The following MICAL2 variants were observed in gnomAD, a reference collection of about 807,000 sequenced individuals.
MICAL2 encodes the protein microtubule associated monooxygenase, calponin and LIM domain containing 2, also known as [F-actin]-monooxygenase MICAL2.
In MICAL2, 77 loss-of-function variants were observed where a neutral mutation model predicts 127.3. That is an observed-to-expected ratio of 0.60 (90% CI 0.50 to 0.73). The LOEUF is 0.73. Among genes scored for constraint, MICAL2 ranks in the 30% least tolerant of loss-of-function variants. The pLI is 0.00. For missense variants in MICAL2, 1,351 were observed against 1,434.4 expected (o/e 0.94, Z 0.94); for synonymous variants, 570 against 551.1 (o/e 1.03, Z -0.48).
intron 3 of MICAL2, among the ~76,000 whole-genome samples, chr11:12,198,091 C>G (rs1172370984): frequency 6.6e-6 from 1 of 151,930 alleles, no homozygotes; most frequent in Non-Finnish European, 1.5e-5. Context: ...GGAGCCCCTA[C>G]TGGCCAACCC....
chr11:12,289,566 G>GTTTTTTTTTT (rs1316795523), downstream of MICAL2, among the ~76,000 whole-genome samples: 2 of 36,464 alleles, frequency 5.5e-5, no homozygotes, highest in African/African-American at 2.1e-4. Context: ...GTTTTTTTTT[G>GTTTTTTTTTT]TTTTTTTTTT....
intron 9 of MICAL2, 25 bp from the exon 10 acceptor site, chr11:12,221,619 G>T (rs755797978): frequency 3.9e-6 from 6 of 1,549,426 alleles, no homozygotes; most frequent in Non-Finnish European, 5.3e-6. Context: ...GAATCAACTG[G>T]AATTTTGCAC....
In MICAL2 at chr11:12,140,107, A is replaced by T. The variant is rs904169915; in HGVS notation, c.-78+1647A>T. Among the ~76,000 whole-genome samples, 3 of 152,246 alleles carry T rather than the reference A, an allele frequency of 2.0e-5. No individual in the cohort carries two copies. The East Asian group carries it at 5.8e-4, about 29-fold the overall frequency. On this transcript the variant is annotated intron_variant, in intron 2 of 27. Transcript: ENST00000683283. ...ATAAAATTTCCCCAAATTACAGAGAATGTGATGCTTGCCAAATAGGTACCT... is the reference window on the plus strand; with the variant it reads ...ATAAAATTTCCCCAAATTACAGAGATTGTGATGCTTGCCAAATAGGTACCT...
In MICAL2 at chr11:12,188,521, A is replaced by G. The variant is rs144533930; in HGVS notation, c.265-15729A>G. On this transcript the variant is annotated intron_variant, in intron 3 of 27. Transcript: ENST00000683283. ...TGAACATCCTACAATGCACAGGATA[A>G]CACCCTACAACCAAAATTATCTGGT... 5.9e-3 allele frequency among the ~76,000 whole-genome samples: 906 copies of G among 152,278 alleles called. 11 individuals carry two copies. Among genetic ancestry groups the G allele is most frequent in the African/African-American group, 0.021 (884 of 41,550 alleles).
At chr11:12,134,970 T>C (rs966115419) in intron 1 of MICAL2, among the ~76,000 whole-genome samples, 1 of 152,218 alleles carries the variant, frequency 6.6e-6, no homozygotes, top group South Asian at 2.1e-4. Flanking sequence ...TTCAGTGCAC[T>C]ATGGCTGCAG....
downstream of MICAL2, among the ~76,000 whole-genome samples, chr11:12,361,330 C>T (rs1415684572): frequency 6.6e-6 from 1 of 152,190 alleles, no homozygotes; most frequent in Admixed American, 6.5e-5. Flanking sequence ...TTCTGCAGCC[C>T]TGTGCCAGAT....
At chr11:12,160,178 G>T (rs143106910) in intron 2 of MICAL2, among the ~76,000 whole-genome samples, 1 of 152,076 alleles carries the variant, frequency 6.6e-6, no homozygotes, top group African/African-American at 2.4e-5. Flanking sequence ...CCCAAGTCTG[G>T]GCATCCAGTG....
At chr11:12,328,546 G>A (rs1003680743) in intron 32 of MICAL2, among the ~76,000 whole-genome samples, 1 of 152,158 alleles carries the variant, frequency 6.6e-6, no homozygotes, top group Non-Finnish European at 1.5e-5. Flanking sequence ...GGGTTTTCAG[G>A]TAAGGAGTGG....
chr11:12,261,445 G>T (rs528136446), intron 26 of MICAL2: 3 of 985,498 alleles, frequency 3.0e-6, no homozygotes, highest in South Asian at 4.7e-5. Context: ...ATCTAGAAGA[G>T]TCCTCAGCTC....
At chr11:12,361,141 C>A (rs1369046711), downstream of MICAL2, among the ~76,000 whole-genome samples, 1 of 152,164 alleles carries the variant, frequency 6.6e-6, no homozygotes, top group African/African-American at 2.4e-5. Context: ...GAAAGCCCAG[C>A]CTCAGGTCAT....
At chr11:12,210,314 A>G (rs1855284068) in intron 6 of MICAL2, among the ~76,000 whole-genome samples, 1 of 152,180 alleles carries the variant, frequency 6.6e-6, no homozygotes, top group Non-Finnish European at 1.5e-5. Context: ...GATATTAACC[A>G]TGCTAAATTG....
intron 3 of MICAL2, among the ~76,000 whole-genome samples, chr11:12,188,050 C>T (rs1180594134): frequency 2.0e-5 from 3 of 152,094 alleles, no homozygotes; most frequent in African/African-American, 7.2e-5. Flanking sequence ...CCTTTTTTCT[C>T]CAGCTTTTTG....
chr11:12,159,800 C>T (rs998528121), intron 2 of MICAL2, among the ~76,000 whole-genome samples: 2 of 152,192 alleles, frequency 1.3e-5, no homozygotes, highest in Non-Finnish European at 2.9e-5. Flanking sequence ...TGGGTGGCAA[C>T]ATTGCACATG....
At chr11:12,179,165 G>C (rs1206652277) in intron 3 of MICAL2, among the ~76,000 whole-genome samples, 1 of 152,142 alleles carries the variant, frequency 6.6e-6, no homozygotes, top group Non-Finnish European at 1.5e-5. Context: ...TGACCTGTCT[G>C]ATCAGCCCAG....
chr11:12,306,697 A>G (rs189193815), intron 29 of MICAL2, among the ~76,000 whole-genome samples: 33 of 152,346 alleles, frequency 2.2e-4, no homozygotes, highest in Admixed American at 9.8e-4. Flanking sequence ...AATGTCATAT[A>G]AATGGAATCA....
At chr11:12,187,700 G>C (rs1408575386) in intron 3 of MICAL2, among the ~76,000 whole-genome samples, 1 of 152,176 alleles carries the variant, frequency 6.6e-6, no homozygotes, top group Non-Finnish European at 1.5e-5. Flanking sequence ...TCCCGAGAGT[G>C]GATGAGTTGT....
intron 3 of MICAL2, among the ~76,000 whole-genome samples, chr11:12,190,239 C>T (rs1858917836): frequency 1.3e-5 from 2 of 152,124 alleles, no homozygotes; most frequent in East Asian, 3.9e-4. Flanking sequence ...CTCAAAGTTC[C>T]TCTGGTGGGA....
chr11:12,224,535 A>T, intron 12 of MICAL2, 138 bp from the exon 13 acceptor site: 1 of 1,114,494 alleles, frequency 9.0e-7, no homozygotes, highest in Non-Finnish European at 1.3e-6. Flanking sequence ...CACCCGTGCC[A>T]GTGGCCCCCT....
intron 1 of MICAL2, among the ~76,000 whole-genome samples, chr11:12,278,991 G>A (rs1863746468): frequency 6.6e-6 from 1 of 152,214 alleles, no homozygotes; most frequent in South Asian, 2.1e-4. Flanking sequence ...GGCTATTAAA[G>A]CCCAGGGCTC....
Sources: gnomAD v4.1 joint callset for allele counts (sites outside exome capture counted in the v4.1 genomes callset) on GRCh38, gnomAD v4.1.1 for gene constraint, MANE v1.5 for transcripts, NCBI Gene and HGNC (gene_info 2026-07-23, HGNC 2026-07-21) for gene names.